ACBD3: variants seen among roughly 807,000 people sequenced by gnomAD.
The protein encoded by ACBD3 is Golgi resident protein GCP60.
In ACBD3, 30 loss-of-function variants were observed where a neutral mutation model predicts 66.9. That is an observed-to-expected ratio of 0.45 (90% confidence interval 0.34 to 0.61). The LOEUF is 0.61. Among genes scored for constraint, ACBD3 ranks in the 20% least tolerant of loss-of-function variants. The pLI, the probability that ACBD3 is intolerant of heterozygous loss-of-function variation, is 0.02. For synonymous variants in ACBD3, 278 were observed against 259.8 expected (o/e 1.07, Z -0.68); for missense variants, 544 against 664.5 (o/e 0.82, Z 1.99).
chr1:226,184,830 T>C (rs1656256146), intron 1 of ACBD3, among the ~76,000 whole-genome samples: 1 of 151,294 alleles, frequency 6.6e-6, no homozygotes, highest in African/African-American at 2.4e-5. Context: ...GACGGAGTTT[T>C]GCTCGTCGCC....
Position 226,170,715 on chromosome 1 carries a change from T to C in ACBD3, c.287-4715A>G, listed in dbSNP as rs190736358. Among the ~76,000 whole-genome samples the C allele has an allele frequency of 2.6e-5, 4 of 152,318 alleles. No homozygotes were observed. The East Asian group carries it at 7.7e-4, about 29-fold the overall frequency. ...AAATCCCTGACTATTGCTATAAAGT[T>C]ATCTGTAAAATACTGCTATTTGGGT... On this transcript the variant is annotated intron_variant, in intron 1 of 7. Transcript: ENST00000366812.
chr1:226,167,716 T>C (rs1329396567), intron 1 of ACBD3, among the ~76,000 whole-genome samples: 1 of 152,208 alleles, frequency 6.6e-6, no homozygotes, highest in Non-Finnish European at 1.5e-5. Context: ...CTCATTCATG[T>C]ATATAGTGGT....
chr1:226,181,508 C>T (rs376703693), intron 1 of ACBD3, among the ~76,000 whole-genome samples: 8 of 152,268 alleles, frequency 5.3e-5, no homozygotes, highest in Non-Finnish European at 8.8e-5. Context: ...GCTAGTAGAA[C>T]TATTCCATAA....
chr1:226,177,287 T>A (rs2102789378), intron 1 of ACBD3, among the ~76,000 whole-genome samples: 1 of 149,342 alleles, frequency 6.7e-6, no homozygotes, highest in East Asian at 2.0e-4. Context: ...AAGCTCCACC[T>A]CCCAGGTTTA....
chr1:226,149,229 A>ATTT (rs530087804), intron 7 of ACBD3, among the ~76,000 whole-genome samples: 4 of 144,364 alleles, frequency 2.8e-5, no homozygotes, highest in Admixed American at 6.9e-5. Flanking sequence ...AAGCTCTTTC[A>ATTT]TTTTTTTTTT....
rs910257131 is a variant in ACBD3 at position 226,145,907 on chromosome 1, G to C, written c.*703C>G. 2.6e-5 allele frequency: 4 copies of C among 152,312 alleles called. No individual in the cohort carries two copies. Among genetic ancestry groups the C allele is most frequent in the Admixed American group, 2.0e-4 (3 of 15,250 alleles). The allele number at this position is 152,312 out of a possible 1,614,324, so 9.4% of individuals were successfully genotyped here. A position where few individuals can be genotyped will look rare whatever the true frequency, so the allele number is the denominator to read the frequency against. On this transcript the variant is annotated 3_prime_UTR_variant, in exon 8 of 8. Coordinates refer to ENST00000366812, the MANE Select transcript of ACBD3 (RefSeq NM_022735.4). ...GTATGAATACCAAATAAAGATACAA[G>C]GATTCAAAGTTTGTGGAAGTTCCTG...
chr1:226,163,720 AT>A (rs1462713417), intron 3 of ACBD3, among the ~76,000 whole-genome samples: 1 of 152,052 alleles, frequency 6.6e-6, no homozygotes, highest in Non-Finnish European at 1.5e-5. Flanking sequence ...TCTCGTGTCT[AT>A]TTTTCATGCT....
intron 1 of ACBD3, among the ~76,000 whole-genome samples, chr1:226,169,558 ATTTTTTTTTT>A (rs71168969): frequency 3.8e-4 from 20 of 52,316 alleles, no homozygotes; most frequent in African/African-American, 1.7e-3. Context: ...CTGCCTGGCT[ATTTTTTTTTT>A]TTTTTTTTTT....
chr1:226,160,599 T>C (rs967860044), intron 4 of ACBD3, among the ~76,000 whole-genome samples: 7 of 152,246 alleles, frequency 4.6e-5, no homozygotes, highest in African/African-American at 1.7e-4. Context: ...AGGCTAGCAC[T>C]AAACCTTTTT....
At chr1:226,147,183 C>A (rs922056461) in intron 7 of ACBD3, among the ~76,000 whole-genome samples, 2 of 152,246 alleles carry the variant, frequency 1.3e-5, no homozygotes, top group African/African-American at 4.8e-5. Flanking sequence ...AGCCACCGTG[C>A]CCAGCCTATC....
At position 226,172,958 on chromosome 1, in the gene ACBD3, CAACAAACA is replaced by C. The variant is rs763608324; in HGVS notation, c.287-6966_287-6959del. On this transcript the variant is annotated intron_variant, in intron 1 of 7. Coordinates refer to ENST00000366812, the MANE Select transcript of ACBD3 (RefSeq NM_022735.4). The stretch of plus-strand genomic sequence containing the variant: ...GTGACAGATGAAGACCCTGTCTAAA[CAACAAACA>C]AACAAACAAACAAACCCAGCTGGGC... 3.3e-5 allele frequency among the ~76,000 whole-genome samples: 5 copies of C among 150,662 alleles called. No homozygotes were observed. In the South Asian group the frequency reaches 6.3e-4, roughly 19 times the overall value.
rs1473643667 is a variant in ACBD3, at chr1:226,149,567, G to T, written c.1376-2746C>A. Among the ~76,000 whole-genome samples the T allele has an allele frequency of 6.0e-5, 4 of 66,660 alleles. No individual in the cohort carries two copies. The East Asian group carries it at 1.7e-3, about 29-fold the overall frequency. The allele number at this position is 66,660 out of a possible 152,430, so 43.7% of individuals were successfully genotyped here. A position where few individuals can be genotyped will look rare whatever the true frequency, so the allele number is the denominator to read the frequency against. On this transcript the variant is annotated intron_variant, in intron 7 of 7. Coordinates refer to ENST00000366812, the MANE Select transcript of ACBD3 (RefSeq NM_022735.4). Reference sequence around the variant, plus strand: ...TTTTTTTTTTTTTTTTTGAGATGGGGTCTGGCTCTGTGGCCCAGGCTGGAG... The same window carrying T: ...TTTTTTTTTTTTTTTTTGAGATGGGTTCTGGCTCTGTGGCCCAGGCTGGAG...
rs1328567502 is a variant in ACBD3, at chr1:226,186,508, C to T, written c.168G>A (p.Glu56=). The T allele has an allele frequency of 2.0e-6, 3 of 1,465,658 alleles. No individual in the cohort carries two copies. Among genetic ancestry groups the T allele is most frequent in the Admixed American group, 4.9e-5 (2 of 40,582 alleles). 90.8% of individuals were successfully genotyped at this position (1,465,658 alleles called of 1,614,324 possible). A position where few individuals can be genotyped will look rare whatever the true frequency, so the allele number is the denominator to read the frequency against. ...GSGRGPGASG[E]QPEPGEAAAG... is the part of the protein sequence containing the mutation. ...CCGCCGCCTCCCCGGGCTCGGGCTG[C>T]TCCCCTGAGGCGCCCGGGCCGCGAC... Residue 56 remains glutamate (E), a synonymous_variant, in exon 1 of 8, where the codon GAG becomes GAA. Transcript: ENST00000366812.
intron 1 of ACBD3, 39 bp from the exon 2 acceptor site, chr1:226,166,039 G>T: frequency 6.3e-7 from 1 of 1,576,906 alleles, no homozygotes; most frequent in East Asian, 2.3e-5. Context: ...AATTAGCACA[G>T]GCAAAATACA....
chr1:226,174,254 G>A (rs1016100463), intron 1 of ACBD3, among the ~76,000 whole-genome samples: 8 of 151,948 alleles, frequency 5.3e-5, no homozygotes, highest in African/African-American at 1.7e-4. Context: ...CATCATCCTC[G>A]GCTCTTGCAC....
chr1:226,161,446 C>T (rs1260349782), intron 4 of ACBD3, 85 bp downstream of exon 4: 17 of 1,574,880 alleles, frequency 1.1e-5, no homozygotes, highest in Non-Finnish European at 1.5e-5. Flanking sequence ...GCGTGAACCA[C>T]CACACCTGGC....
In ACBD3 at chr1:226,159,205, T is replaced by G; in HGVS notation, c.882A>C (p.Gln294His). 6.2e-7 allele frequency: 1 copy of G among 1,614,198 alleles called. No homozygotes were observed. Among genetic ancestry groups the G allele is most frequent in the Non-Finnish European group, 8.5e-7 (1 of 1,180,016 alleles). ...GTACCTGTTGCTGTGCAAGCTGGACTTGATACAACTGCTGCATGTACTGCT... is the reference window on the plus strand; with the variant it reads ...GTACCTGTTGCTGTGCAAGCTGGACGTGATACAACTGCTGCATGTACTGCT... ...HYQQYMQQLYQVQLAQQQAAL... is the reference protein window; with the variant it reads ...HYQQYMQQLYHVQLAQQQAAL... The change falls in exon 5 of 8, where the codon CAA (glutamine) becomes CAC (histidine). Residue 294 changes from glutamine to histidine, a missense_variant. This residue lies in a region of ACBD3 where 383 missense variants were observed against 462.4 expected (regional missense o/e 0.83). Coordinates refer to ENST00000366812, the MANE Select transcript of ACBD3 (RefSeq NM_022735.4).
rs200392139 is a variant in ACBD3, at chr1:226,146,826, A to G, written c.1376-5T>C. The G allele has an allele frequency of 2.6e-4, 419 of 1,613,492 alleles. 3 individuals carry two copies. The Middle Eastern group carries it at 6.6e-3, about 25-fold the overall frequency. ...TCTCTTCACAACCGATGTTTTCTGT[A>G]AGAACAGAGACAAGTCAATGAACAG... On this transcript the variant is annotated splice_polypyrimidine_tract_variant and splice_region_variant and intron_variant, in intron 7 of 7. Coordinates refer to ENST00000366812, the MANE Select transcript of ACBD3 (RefSeq NM_022735.4).
At chr1:226,178,393 A>G (rs1472733306) in intron 1 of ACBD3, among the ~76,000 whole-genome samples, 1 of 150,108 alleles carries the variant, frequency 6.7e-6, no homozygotes, top group Non-Finnish European at 1.5e-5. Context: ...ACATGGTAAA[A>G]CCCCGTCTCT....
Sources: gnomAD v4.1 joint callset for allele counts (sites outside exome capture counted in the v4.1 genomes callset) on GRCh38, gnomAD v4.1.1 for gene constraint, gnomAD v4.1.1 regional missense constraint, MANE v1.5 for transcripts, NCBI Gene and HGNC (gene_info 2026-07-23, HGNC 2026-07-21) for gene names.